AK6: variants seen among roughly 807,000 people sequenced by gnomAD.
AK6 encodes adenylate kinase isoenzyme 6.
AK6 carries 24 observed loss-of-function variants against 23.7 expected under a neutral mutation model. That is an observed-to-expected ratio of 1.01 (90% CI 0.73 to 1.43). AK6 has a LOEUF of 1.43. Among genes scored for constraint, AK6 ranks in the 40% most tolerant of loss-of-function variants. The pLI, the probability that AK6 is intolerant of heterozygous loss-of-function variation, is 0.00. For missense variants in AK6, 191 were observed against 199.1 expected, an observed-to-expected ratio of 0.96 and a Z score of 0.24; for synonymous variants, 73 against 69.8, an observed-to-expected ratio of 1.05 and a Z score of -0.23.
chr5:69,360,059 C>A (rs1762188715), intron 2 of AK6, among the ~76,000 whole-genome samples: 1 of 152,134 alleles, frequency 6.6e-6, no homozygotes. Context: ...CTGAAGGGGA[C>A]ATAGGGGAGA....
intron 2 of AK6, 24 bp from the exon 3 acceptor site, chr5:69,355,977 G>A (rs752206885): frequency 6.4e-7 from 1 of 1,572,510 alleles, no homozygotes; most frequent in Non-Finnish European, 8.6e-7. Flanking sequence ...AGAATTGCTT[G>A]TTGAAATATT....
intron 1 of AK6, among the ~76,000 whole-genome samples, chr5:69,368,520 G>A (rs1762620112): frequency 6.6e-6 from 1 of 152,126 alleles, no homozygotes; most frequent in Non-Finnish European, 1.5e-5. Context: ...GCAAAAAGAT[G>A]TAAAATCTTC....
intron 4 of AK6, 56 bp from the exon 5 acceptor site, chr5:69,352,309 G>A: frequency 2.8e-6 from 4 of 1,405,924 alleles, no homozygotes; most frequent in Non-Finnish European, 3.9e-6. Context: ...ATTAACTGGA[G>A]TTTCAGAAAC....
At chr5:69,364,349 A>C (rs573366893) in intron 2 of AK6, among the ~76,000 whole-genome samples, 6 of 152,106 alleles carry the variant, frequency 3.9e-5, no homozygotes, top group South Asian at 2.1e-4. Context: ...GACACTTATA[A>C]ATTTTTTTTT....
chr5:69,365,301 G>A (rs1424880253), intron 2 of AK6: 9 of 1,614,118 alleles, frequency 5.6e-6, no homozygotes, highest in East Asian at 2.2e-5. Flanking sequence ...ACTTAACCGC[G>A]GGACTGTTAT....
chr5:69,367,934 G>T (rs995207358), intron 1 of AK6: 2 of 152,208 alleles, frequency 1.3e-5, no homozygotes, highest in South Asian at 4.1e-4. Context: ...GGAGGAGAAG[G>T]CGGGAGGATC....
rs1419597802 is a variant in AK6, at chr5:69,365,762, T to C, written c.121+741A>G. 3.3e-6 allele frequency: 5 copies of C among 1,498,276 alleles called. No individual in the cohort carries two copies. The African/African-American group carries it at 4.2e-5, about 13-fold the overall frequency. The allele number at this position is 1,498,276 out of a possible 1,614,324, so 92.8% of individuals were successfully genotyped here. On this transcript the variant is annotated intron_variant, in intron 2 of 4. Transcript: ENST00000380822. ...TGATATCCGATGATCAGACTTTAGATCATTTGAAAAAAATATGTACATTAG... is the reference window on the plus strand; with the variant it reads ...TGATATCCGATGATCAGACTTTAGACCATTTGAAAAAAATATGTACATTAG...
intron 2 of AK6, chr5:69,364,857 C>T (rs1192298681): frequency 2.4e-6 from 3 of 1,262,016 alleles, no homozygotes; most frequent in Non-Finnish European, 3.3e-6. Flanking sequence ...TTCTAAAACA[C>T]AACTTGAAAA....
chr5:69,361,798 G>A (rs1468690635), intron 2 of AK6, among the ~76,000 whole-genome samples: 4 of 151,734 alleles, frequency 2.6e-5, no homozygotes, highest in Non-Finnish European at 2.9e-5. Context: ...TAGAGATGGG[G>A]TTTCACCATG....
At chr5:69,354,849 G>C (rs1018830295) in intron 4 of AK6, among the ~76,000 whole-genome samples, 7 of 151,946 alleles carry the variant, frequency 4.6e-5, no homozygotes, top group African/African-American at 1.7e-4. Context: ...TGTTTGAGAC[G>C]GAGTCTCACT....
Position 69,361,782 on chromosome 5 carries a change from T to C in AK6, c.121+4721A>G, listed in dbSNP as rs1201555883. Among the ~76,000 whole-genome samples the C allele has an allele frequency of 4.0e-5, 6 of 151,776 alleles. No individual in the cohort carries two copies. The East Asian group carries it at 7.8e-4, about 20-fold the overall frequency. On this transcript the variant is annotated intron_variant, in intron 2 of 4. Coordinates refer to ENST00000380822, the MANE Select transcript of AK6 (RefSeq NM_016283.5). ...ACCATACCTGGCTACTTTTTTGTAT[T>C]TTTAGTAGAGATGGGGTTTCACCAT...
At chr5:69,369,239 C>CCCCCCCCA in intron 1 of AK6, 1 of 212,970 alleles carries the variant, frequency 4.7e-6, no homozygotes, top group Non-Finnish European at 9.1e-6. Flanking sequence ...CCCCCCCGCC[C>CCCCCCCCA]CCCCCCGGAG....
chr5:69,364,822 C>A (rs1306407952), intron 2 of AK6: 5 of 868,376 alleles, frequency 5.8e-6, no homozygotes, highest in Non-Finnish European at 9.0e-6. Flanking sequence ...AGTATGGTAA[C>A]TGTGTTTACT....
At chr5:69,365,497 G>T (rs758231853) in intron 2 of AK6, 1 of 1,614,050 alleles carries the variant, frequency 6.2e-7, no homozygotes, top group African/African-American at 1.3e-5. Context: ...GTAAAAGACT[G>T]ATCAGCGCGG....
In AK6 at chr5:69,366,603, A is replaced by G. The variant is rs1470734905; in HGVS notation, c.29-8T>C. 1 of 1,602,462 alleles carries G rather than the reference A, an allele frequency of 6.2e-7. No homozygotes were observed. Among genetic ancestry groups the G allele is most frequent in the East Asian group, 2.2e-5 (1 of 44,830 alleles). On this transcript the variant is annotated splice_region_variant and splice_polypyrimidine_tract_variant and intron_variant, in intron 1 of 4. Coordinates refer to ENST00000380822, the MANE Select transcript of AK6 (RefSeq NM_016283.5). The stretch of plus-strand genomic sequence containing the variant: ...TTCCAACCCCTGGTGTACCTGTAAG[A>G]CAAGCCACAGAAAAATACTGTTTGT...
chr5:69,353,379 C>G (rs979329891), intron 4 of AK6, among the ~76,000 whole-genome samples: 4 of 151,582 alleles, frequency 2.6e-5, no homozygotes, highest in Non-Finnish European at 4.4e-5. Flanking sequence ...CTCACTGCAA[C>G]CTCCACCTTC....
intron 2 of AK6, chr5:69,364,683 C>T: frequency 1.8e-6 from 1 of 559,842 alleles, no homozygotes; most frequent in Non-Finnish European, 3.2e-6. Flanking sequence ...ACTGTTACTC[C>T]TCTTGGTGAC....
At chr5:69,360,063 G>A (rs1762188981) in intron 2 of AK6, among the ~76,000 whole-genome samples, 2 of 152,188 alleles carry the variant, frequency 1.3e-5, no homozygotes, top group African/African-American at 4.8e-5. Flanking sequence ...AGGGGACATA[G>A]GGGAGAGAAC....
chr5:69,354,795 T>G (rs1762037688), intron 4 of AK6, among the ~76,000 whole-genome samples: 1 of 152,056 alleles, frequency 6.6e-6, no homozygotes, highest in Non-Finnish European at 1.5e-5. Context: ...CTAGCAAGGG[T>G]TTACATCAAA....
Sources: allele counts gnomAD v4.1 joint callset (sites outside exome capture counted in the v4.1 genomes callset), GRCh38; gene constraint gnomAD v4.1.1; transcripts MANE v1.5; gene names NCBI Gene and HGNC (gene_info 2026-07-23, HGNC 2026-07-21).